Variants in MBD5 observed in about 807,000 individuals in gnomAD.
MBD5 encodes methyl-CpG-binding domain protein 5.
In MBD5, 13 loss-of-function variants were observed where a neutral mutation model predicts 117.3. The observed-to-expected ratio is 0.11, with a 90% CI of 0.07 to 0.18. MBD5 has a LOEUF of 0.18. Among genes scored for constraint, MBD5 ranks in the 10% least tolerant of loss-of-function variants. MBD5 has a pLI of 1.00. For missense variants in MBD5, 1,879 were observed against 2,093.8 expected, an observed-to-expected ratio of 0.90 and a Z score of 2.00; for synonymous variants, 727 against 766.4, an observed-to-expected ratio of 0.95 and a Z score of 0.85.
At chr2:148,505,506 AC>A (rs1682005224) in intron 12 of MBD5, among the ~76,000 whole-genome samples, 1 of 152,184 alleles carries the variant, frequency 6.6e-6, no homozygotes, top group Non-Finnish European at 1.5e-5. Context: ...AAAATGATCA[AC>A]AGAGGTGCAG....
At chr2:148,432,159 G>A (rs1310397263) in intron 4 of MBD5, among the ~76,000 whole-genome samples, 1 of 152,034 alleles carries the variant, frequency 6.6e-6, no homozygotes, top group African/African-American at 2.4e-5. Context: ...CTTGTTGGCT[G>A]CATATATGTC....
chr2:148,059,381 C>A (rs1026903444), intron 1 of MBD5, among the ~76,000 whole-genome samples: 6 of 152,044 alleles, frequency 3.9e-5, no homozygotes, highest in Non-Finnish European at 8.8e-5. Flanking sequence ...AAGAATTTTC[C>A]TGTCCTATTG....
At position 148,515,949 on chromosome 2, in the gene MBD5, A is replaced by G. The variant is rs749703223; in HGVS notation, c.*3008A>G. 1 of 152,184 alleles carries G rather than the reference A, an allele frequency of 6.6e-6. No individual in the cohort carries two copies. Among genetic ancestry groups the G allele is most frequent in the Non-Finnish European group, 1.5e-5 (1 of 68,018 alleles). The allele number at this position is 152,184 out of a possible 1,614,324, so 9.4% of individuals were successfully genotyped here. On this transcript the variant is annotated 3_prime_UTR_variant, in exon 14 of 14. Transcript: ENST00000642680. ...GGAACATTTTTGGCTTGTACTTTTC[A>G]GTGCCATTATGAATGAAAATGTTTT... is the stretch of plus-strand genomic sequence containing the variant.
At chr2:148,436,986 A>G (rs1706173233) in intron 4 of MBD5, among the ~76,000 whole-genome samples, 1 of 151,726 alleles carries the variant, frequency 6.6e-6, no homozygotes, top group South Asian at 2.1e-4. Flanking sequence ...GTTTTTATTT[A>G]TTTTTTATTT....
chr2:148,288,415 G>T (rs1471731278), intron 3 of MBD5, among the ~76,000 whole-genome samples: 2 of 128,854 alleles, frequency 1.6e-5, no homozygotes, highest in Non-Finnish European at 1.7e-5. Flanking sequence ...AAAAAAAAAA[G>T]TGATTTCTTC....
chr2:148,499,201 C>T (rs1229130162), intron 11 of MBD5, among the ~76,000 whole-genome samples: 3 of 152,066 alleles, frequency 2.0e-5, no homozygotes, highest in Non-Finnish European at 4.4e-5. Context: ...ACTAAGGAGA[C>T]TGAGGTGGGA....
At chr2:148,045,540 C>G (rs1266313509) in intron 1 of MBD5, among the ~76,000 whole-genome samples, 2 of 152,174 alleles carry the variant, frequency 1.3e-5, no homozygotes, top group African/African-American at 4.8e-5. Flanking sequence ...TAATCCTTAT[C>G]TGTGAGGTAG....
At chr2:148,266,484 G>A (rs1214581352) in intron 3 of MBD5, among the ~76,000 whole-genome samples, 6 of 152,018 alleles carry the variant, frequency 3.9e-5, no homozygotes. Flanking sequence ...AAGGTTGCCT[G>A]TTGTCATGCA....
intron 3 of MBD5, among the ~76,000 whole-genome samples, chr2:148,327,999 T>A (rs1376048849): frequency 4.6e-5 from 7 of 152,046 alleles, no homozygotes; most frequent in Non-Finnish European, 7.4e-5. Flanking sequence ...TTGATGATGG[T>A]GATGTACAGA....
chr2:148,494,918 G>A (rs1342668550), intron 11 of MBD5, among the ~76,000 whole-genome samples: 1 of 152,114 alleles, frequency 6.6e-6, no homozygotes, highest in Non-Finnish European at 1.5e-5. Context: ...AGCCGAGATC[G>A]CGCCACTGCA....
intron 8 of MBD5, among the ~76,000 whole-genome samples, chr2:148,479,781 C>T (rs1227787817): frequency 6.7e-6 from 1 of 148,786 alleles, no homozygotes; most frequent in African/African-American, 2.5e-5. Flanking sequence ...CTTTTCATCT[C>T]TCAAATTCCA....
chr2:148,060,073 T>C (rs148260998), intron 1 of MBD5, among the ~76,000 whole-genome samples: 3 of 134,046 alleles, frequency 2.2e-5, no homozygotes, highest in Non-Finnish European at 4.6e-5. Flanking sequence ...ATGGCTTGAG[T>C]ATATATACTT....
At chr2:148,160,716 G>C (rs1316074086) in intron 1 of MBD5, among the ~76,000 whole-genome samples, 1 of 152,142 alleles carries the variant, frequency 6.6e-6, no homozygotes, top group African/African-American at 2.4e-5. Flanking sequence ...GGATGAACTT[G>C]CATCTTAGCC....
intron 3 of MBD5, among the ~76,000 whole-genome samples, chr2:148,253,247 A>C (rs1484554861): frequency 1.3e-5 from 2 of 151,902 alleles, no homozygotes. Flanking sequence ...TTGACCCCCT[A>C]CTCTTTCCTA....
chr2:148,087,453 A>G (rs1250245774), intron 1 of MBD5, among the ~76,000 whole-genome samples: 1 of 152,194 alleles, frequency 6.6e-6, no homozygotes, highest in East Asian at 1.9e-4. Flanking sequence ...ACAACCAATT[A>G]CAGAGTCTAC....
intron 11 of MBD5, among the ~76,000 whole-genome samples, chr2:148,495,073 G>C (rs924525568): frequency 1.2e-4 from 18 of 152,290 alleles, no homozygotes; most frequent in African/African-American, 4.1e-4. Context: ...ACCCTTTACT[G>C]TTCGTGGCTC....
At chr2:148,279,344 C>A (rs142463027) in intron 3 of MBD5, among the ~76,000 whole-genome samples, 3 of 152,156 alleles carry the variant, frequency 2.0e-5, no homozygotes, top group Admixed American at 6.5e-5. Flanking sequence ...TCGGCAGGAT[C>A]GTTTAAGCAC....
intron 1 of MBD5, among the ~76,000 whole-genome samples, chr2:148,078,121 C>CGG (rs1415707077): frequency 5.1e-4 from 77 of 152,092 alleles, no homozygotes; most frequent in Non-Finnish European, 8.5e-4. Flanking sequence ...TGGGAAAACT[C>CGG]CTCTTTCAGA....
chr2:148,458,099 C>G lies in MBD5; in HGVS notation c.-556-104C>G, dbSNP rs1470544132. On this transcript the variant is annotated intron_variant, in intron 4 of 13. Coordinates refer to ENST00000642680, the MANE Select transcript of MBD5 (RefSeq NM_001378120.1). ...GTATGATTTTGATAGCAAAGGACAT[C>G]AATGTGATTGGGTACACTTCGTAGT... 2.5e-5 allele frequency: 10 copies of G among 393,172 alleles called. No individual in the cohort carries two copies. In the East Asian group the frequency reaches 3.2e-4, roughly 13 times the overall value. The allele number at this position is 393,172 out of a possible 1,614,324, so 24.4% of individuals were successfully genotyped here.
Sources: gnomAD v4.1 joint callset for allele counts (sites outside exome capture counted in the v4.1 genomes callset) on GRCh38, gnomAD v4.1.1 for gene constraint, MANE v1.5 for transcripts, NCBI Gene and HGNC (gene_info 2026-07-23, HGNC 2026-07-21) for gene names.